Variants in SACS observed in about 807,000 individuals in gnomAD.
The protein encoded by SACS is sacsin.
SACS carries 197 observed loss-of-function variants against 348.0 expected under a neutral mutation model. That is an observed-to-expected ratio of 0.57 (90% CI 0.50 to 0.64). The LOEUF is 0.64. SACS is among the 30% of genes least tolerant of loss of function. The pLI, the probability that SACS is intolerant of heterozygous loss-of-function variation, is 0.00. For synonymous variants in SACS, 1,985 were observed against 1,910.6 expected (o/e 1.04, Z -1.02); for missense variants, 4,999 against 5,360.8 (o/e 0.93, Z 2.11).
At chr13:23,412,456 C>T (rs1210583386) in intron 1 of SACS, among the ~76,000 whole-genome samples, 2 of 144,782 alleles carry the variant, frequency 1.4e-5, no homozygotes, top group Admixed American at 7.2e-5. Context: ...CTCTATTGTC[C>T]AGGCTGGAGT....
At chr13:23,374,437 G>GC (rs750454535) in intron 3 of SACS, among the ~76,000 whole-genome samples, 2 of 152,064 alleles carry the variant, frequency 1.3e-5, no homozygotes, top group Admixed American at 1.3e-4. Context: ...TTTAAATGCT[G>GC]GAAATGATGT....
intron 1 of SACS, among the ~76,000 whole-genome samples, chr13:23,424,297 G>A (rs1320062336): frequency 3.3e-5 from 5 of 152,042 alleles, no homozygotes; most frequent in African/African-American, 7.2e-5. Context: ...AGGCCAAAGC[G>A]GGCAGATCAC....
intron 2 of SACS, among the ~76,000 whole-genome samples, chr13:23,379,180 A>G (rs1158230133): frequency 6.6e-6 from 1 of 152,142 alleles, no homozygotes; most frequent in Non-Finnish European, 1.5e-5. Flanking sequence ...TCACAGCTCT[A>G]AACTCTCTTT....
At chr13:23,382,039 C>T (rs1872078462) in intron 2 of SACS, among the ~76,000 whole-genome samples, 2 of 152,256 alleles carry the variant, frequency 1.3e-5, no homozygotes, top group South Asian at 4.1e-4. Flanking sequence ...TTATAAACGG[C>T]TGCACACATT....
chr13:23,340,669 T>G lies in SACS; in HGVS notation c.3207A>C (p.Glu1069Asp). ...EVLKDLFCNE[E>D]GTYFPPSVFT... The stretch of plus-strand genomic sequence containing the variant: ...AAACTGAGGGTGGGAAATAGGTTCC[T>G]TCTTCATTACAAAAGAGATCCTTTA... The change falls in exon 10 of 10, where the codon GAA becomes GAC. Residue 1069 changes from glutamate (E) to aspartate (D), a missense_variant. Coordinates refer to ENST00000382292, the MANE Select transcript of SACS (RefSeq NM_014363.6). 1 of 1,597,110 alleles carries G rather than the reference T, an allele frequency of 6.3e-7. No homozygotes were observed. The highest frequency in any genetic ancestry group is 1.1e-5 in the South Asian group (1 of 87,604).
intron 2 of SACS, chr13:23,375,620 G>C (rs1871743324): frequency 2.1e-5 from 20 of 972,328 alleles, no homozygotes; most frequent in Non-Finnish European, 2.3e-5. Context: ...CCCACCCGCC[G>C]GGACCGTTAG....
chr13:23,366,067 A>T (rs1871041599), intron 5 of SACS, among the ~76,000 whole-genome samples: 1 of 152,190 alleles, frequency 6.6e-6, no homozygotes, highest in Non-Finnish European at 1.5e-5. Context: ...ATCAAGAATC[A>T]GCTCCTAGAT....
In SACS at chr13:23,337,740, G is replaced by A. The variant is rs2137612302; in HGVS notation, c.6136C>T (p.Leu2046=). Reference sequence around the variant, plus strand: ...TTCTCTGAAAATGTGTTTTCAAGTAGTATCTGTTTGCAGCCAGCTTCTTCA... The same window carrying A: ...TTCTCTGAAAATGTGTTTTCAAGTAATATCTGTTTGCAGCCAGCTTCTTCA... ...GFEEAGCKQI[L]LENTFSEKQF... Residue 2046 remains leucine, a synonymous_variant, in exon 10 of 10, where the codon CTA becomes TTA. Coordinates refer to ENST00000382292, the MANE Select transcript of SACS (RefSeq NM_014363.6). 1 of 1,613,792 alleles carries A rather than the reference G, an allele frequency of 6.2e-7. No homozygotes were observed. Among genetic ancestry groups the A allele is most frequent in the Non-Finnish European group, 8.5e-7 (1 of 1,179,942 alleles).
intron 2 of SACS, among the ~76,000 whole-genome samples, chr13:23,396,444 A>G (rs995510027): frequency 3.3e-5 from 5 of 152,162 alleles, no homozygotes; most frequent in African/African-American, 9.7e-5. Flanking sequence ...AACTAAGACT[A>G]TTTTGGAATT....
At chr13:23,413,821 G>A (rs889400378) in intron 1 of SACS, among the ~76,000 whole-genome samples, 2 of 152,112 alleles carry the variant, frequency 1.3e-5, no homozygotes, top group Non-Finnish European at 2.9e-5. Flanking sequence ...ATGCTAAGAA[G>A]TAGAAAACTA....
At position 23,339,642 on chromosome 13, in the gene SACS, G is replaced by T. The variant is rs961377840; in HGVS notation, c.4234C>A (p.Leu1412Ile). ...DIKVDDLNDLLEDSVEPIILV... is the reference protein window; with the variant it reads ...DIKVDDLNDLIEDSVEPIILV... ...ATGATTGGTTCCACAGAATCTTCAAGTAAGTCATTAAGGTCATCAACTTTA... is the reference window on the plus strand; with the variant it reads ...ATGATTGGTTCCACAGAATCTTCAATTAAGTCATTAAGGTCATCAACTTTA... Residue 1412 changes from leucine to isoleucine, a missense_variant, in exon 10 of 10, where the codon CTT (leucine) becomes ATT (isoleucine). Leu to Ile is a conservative substitution (Grantham distance 5). This residue lies in a region of SACS where 3,156 missense variants were observed against 3,380.1 expected (regional missense o/e 0.93). Coordinates refer to ENST00000382292, the MANE Select transcript of SACS (RefSeq NM_014363.6). The T allele has an allele frequency of 5.6e-6, 9 of 1,612,532 alleles. No homozygotes were observed. Among genetic ancestry groups the T allele is most frequent in the Non-Finnish European group, 7.6e-6 (9 of 1,179,028 alleles).
intron 1 of SACS, among the ~76,000 whole-genome samples, chr13:23,425,107 C>T (rs1012447798): frequency 6.6e-6 from 1 of 151,854 alleles, no homozygotes. Context: ...CACTGGTGTC[C>T]ACTTGGGGCC....
In SACS at chr13:23,332,528, T is replaced by C. The variant is rs1048404551; in HGVS notation, c.11348A>G (p.Glu3783Gly). The C allele has an allele frequency of 4.3e-6, 7 of 1,613,984 alleles. No homozygotes were observed. Among genetic ancestry groups the C allele is most frequent in the Non-Finnish European group, 5.9e-6 (7 of 1,179,912 alleles). The change falls in exon 10 of 10, where the codon GAA (glutamate) becomes GGA (glycine). Residue 3783 changes from glutamate to glycine, a missense_variant. This residue lies in a region of SACS where 831 missense variants were observed against 941.8 expected (regional missense o/e 0.88). Coordinates refer to ENST00000382292, the MANE Select transcript of SACS (RefSeq NM_014363.6). ...CAACTGAAAACGAAATTCCCTTTTT[T>C]CTGCACTGAGGAATTCATATATGCT... ...LRSIYEFLSA[E>G]KREFRFQLRG...
Position 23,355,068 on chromosome 13 carries a change from C to T in SACS, c.1544G>A (p.Arg515His), listed in dbSNP as rs147821633. 24 of 1,614,070 alleles carry T rather than the reference C, an allele frequency of 1.5e-5. No homozygotes were observed. The highest frequency in any genetic ancestry group is 1.2e-4 in the African/African-American group (9 of 74,930). Residue 515 changes from arginine to histidine, a missense_variant, in exon 8 of 10, where the codon CGT becomes CAT. This residue lies in a region of SACS where 3,156 missense variants were observed against 3,380.1 expected (regional missense o/e 0.93). Transcript: ENST00000382292. The part of the protein sequence containing the change: ...YATLILDSIK[R>H]LEMEKSSDFP... ...ATCAGAGCTCTTTTCCATCTCCAGA[C>T]GTTTTATTGAATCTAAGATCAGAGT...
chr13:23,399,355 T>G (rs1872854304), intron 2 of SACS, among the ~76,000 whole-genome samples: 1 of 152,154 alleles, frequency 6.6e-6, no homozygotes, highest in African/African-American at 2.4e-5. Flanking sequence ...CCGGTCCCAA[T>G]CTGTAACTCA....
intron 1 of SACS, among the ~76,000 whole-genome samples, chr13:23,420,785 G>C (rs934864270): frequency 2.0e-5 from 3 of 152,066 alleles, no homozygotes; most frequent in African/African-American, 7.2e-5. Context: ...CAGGAGCCCA[G>C]GTATCCACCT....
chr13:23,337,323 T>C lies in SACS; in HGVS notation c.6553A>G (p.Ser2185Gly). Residue 2185 changes from serine (S) to glycine (G), a missense_variant, in exon 10 of 10, where the codon AGT (serine) becomes GGT (glycine). By Grantham distance (56) the Ser-to-Gly change is moderately conservative (BLOSUM62 0). Around this residue, in one of 6 missense-constraint regions of SACS, gnomAD observed 3,156 missense variants for 3,380.1 expected, o/e 0.93. Transcript: ENST00000382292. The part of the protein sequence containing the change: ...KSDHVAACLR[S>G]SILLSLIDEK... Reference sequence around the variant, plus strand: ...TCGATAAGACTCAATAAGATACTACTTCTTAGGCATGCAGCAACATGATCA... The same window carrying C: ...TCGATAAGACTCAATAAGATACTACCTCTTAGGCATGCAGCAACATGATCA... 2 of 1,613,946 alleles carry C rather than the reference T, an allele frequency of 1.2e-6. No individual in the cohort carries two copies. Among genetic ancestry groups the C allele is most frequent in the Non-Finnish European group, 1.7e-6 (2 of 1,179,892 alleles).
rs74614483 is a variant in SACS at position 23,356,128 on chromosome 13, C to G, written c.605-121G>C. On this transcript the variant is annotated intron_variant, in intron 7 of 9. Transcript: ENST00000382292. ...AATGACTAAAACAGATTTATCTAAACACAAACTTAATTTACCTTCAGAAAT... is the reference window on the plus strand; with the variant it reads ...AATGACTAAAACAGATTTATCTAAAGACAAACTTAATTTACCTTCAGAAAT... The G allele has an allele frequency of 3.3e-3, 2,616 of 798,512 alleles. 54 individuals carry two copies. In the African/African-American group the frequency reaches 0.041, roughly 12 times the overall value. 49.5% of individuals were successfully genotyped at this position (798,512 alleles called of 1,614,324 possible). A position where few individuals can be genotyped will look rare whatever the true frequency, so the allele number is the denominator to read the frequency against.
chr13:23,397,954 G>A (rs753724835), intron 2 of SACS, among the ~76,000 whole-genome samples: 1 of 152,186 alleles, frequency 6.6e-6, no homozygotes, highest in Non-Finnish European at 1.5e-5. Context: ...CACTTTGGGA[G>A]GCCGAGGTGG....
Sources: allele counts gnomAD v4.1 joint callset (sites outside exome capture counted in the v4.1 genomes callset), GRCh38; gene constraint gnomAD v4.1.1; regional missense constraint gnomAD v4.1.1; transcripts MANE v1.5; gene names NCBI Gene and HGNC (gene_info 2026-07-23, HGNC 2026-07-21).